Variants in C5 observed in about 807,000 individuals in gnomAD.
C5 encodes the protein complement C5, also known as C3 and PZP-like alpha-2-macroglobulin domain-containing protein 4.
A neutral mutation model predicts 218.8 loss-of-function variants in C5; 140 were observed. That is an observed-to-expected ratio of 0.64 (90% CI 0.56 to 0.74). The LOEUF (loss-of-function observed/expected upper bound fraction) is 0.74. C5 is among the 30% of genes least tolerant of loss of function. The probability of loss-of-function intolerance (pLI) is 0.00; values close to 1 mark genes in which losing one functional copy is unlikely to be tolerated. For synonymous variants in C5, 614 were observed against 682.3 expected (o/e 0.90, Z 1.56); for missense variants, 1,700 against 1,969.6 (o/e 0.86, Z 2.59).
At chr9:121,056,552 A>G in the C5 span, among the ~76,000 whole-genome samples, 1 of 152,200 alleles carries the variant, frequency 6.6e-6, no homozygotes, top group African/African-American at 2.4e-5. Context: ...TCTTTTAAAA[A>G]ATCTTGGAGA....
At chr9:121,020,621 G>C (rs548878703) in intron 11 of C5, among the ~76,000 whole-genome samples, 15 of 152,202 alleles carry the variant, frequency 9.9e-5, no homozygotes, top group Admixed American at 2.0e-4. Flanking sequence ...ATCTGGCCCA[G>C]TTTCATTGTG....
chr9:121,034,702 G>A (rs1239431844), intron 5 of C5, 101 bp downstream of exon 5: 3 of 706,608 alleles, frequency 4.2e-6, no homozygotes, highest in Non-Finnish European at 7.7e-6. Flanking sequence ...ATCCACCTAT[G>A]TGACACCCTT....
At chr9:120,974,180 T>C (rs1452394018) in intron 30 of C5, among the ~76,000 whole-genome samples, 1 of 152,184 alleles carries the variant, frequency 6.6e-6, no homozygotes, top group Non-Finnish European at 1.5e-5. Context: ...ACATGTCTTG[T>C]TCTTTGTGAA....
At chr9:121,016,821 A>T (rs1343184706) in intron 14 of C5, among the ~76,000 whole-genome samples, 2 of 152,124 alleles carry the variant, frequency 1.3e-5, no homozygotes, top group Non-Finnish European at 2.9e-5. Flanking sequence ...ATGGCTGAAG[A>T]CTTGTTTGGA....
Position 120,957,278 on chromosome 9 carries a change from T to C in C5, c.4762+7A>G. 1 of 1,589,746 alleles carries C rather than the reference T, an allele frequency of 6.3e-7. No individual in the cohort carries two copies. The highest frequency in any genetic ancestry group is 2.2e-5 in the East Asian group (1 of 44,648). The stretch of plus-strand genomic sequence containing the variant: ...ATGAAGGAACGAATGAACGAATGAA[T>C]TCTCACCAGTTTTGTAGATATCCAG... On this transcript the variant is annotated splice_region_variant and intron_variant, in intron 39 of 40. Coordinates refer to ENST00000223642, the MANE Select transcript of C5 (RefSeq NM_001735.3).
Position 120,952,709 on chromosome 9 carries a change from C to T in C5, c.*30G>A. On this transcript the variant is annotated 3_prime_UTR_variant, in exon 41 of 41. Transcript: ENST00000223642. The stretch of plus-strand genomic sequence containing the variant: ...CTTCAACAACAGGAGTCCATAAGTG[C>T]AAACTGTATGCAGCTGAACTTCAGG... 1 of 1,609,488 alleles carries T rather than the reference C, an allele frequency of 6.2e-7. No individual in the cohort carries two copies. Among genetic ancestry groups the T allele is most frequent in the South Asian group, 1.1e-5 (1 of 90,850 alleles).
Position 121,034,828 on chromosome 9 carries a change from C to G in C5, c.559G>C (p.Asp187His), listed in dbSNP as rs530054922. ...CTAGGATTAGACGGAATCTTGAAGT[C>G]AGGAAAAGAGATAATTCCAATATGA... Reference protein sequence around the residue: ...IDHIGIISFPDFKIPSNPRYG... With the variant: ...IDHIGIISFPHFKIPSNPRYG... The change falls in exon 5 of 41, where the codon GAC becomes CAC. Residue 187 changes from aspartate to histidine, a missense_variant. By Grantham distance (81) the Asp-to-His change is moderately conservative. Transcript: ENST00000223642. 2 of 1,576,816 alleles carry G rather than the reference C, an allele frequency of 1.3e-6. No individual in the cohort carries two copies. Among genetic ancestry groups the G allele is most frequent in the East Asian group, 2.2e-5 (1 of 44,652 alleles).
chr9:120,970,688 T>C (rs1040914700), intron 31 of C5, among the ~76,000 whole-genome samples: 1 of 152,194 alleles, frequency 6.6e-6, no homozygotes, highest in Non-Finnish European at 1.5e-5. Context: ...CAGAAGTAGA[T>C]ATATTGACAC....
rs1401560385 is a variant in C5, at chr9:120,989,138, A to G, written c.3155-17T>C. On this transcript the variant is annotated splice_polypyrimidine_tract_variant and intron_variant, in intron 24 of 40. Coordinates refer to ENST00000223642, the MANE Select transcript of C5 (RefSeq NM_001735.3). ...TCAACATCCCTAAGAAGCACAAGAA[A>G]AAGAACACGGTGCTTAACAGACCTC... 2 of 1,596,428 alleles carry G rather than the reference A, an allele frequency of 1.3e-6. No individual in the cohort carries two copies. Among genetic ancestry groups the G allele is most frequent in the Non-Finnish European group, 1.7e-6 (2 of 1,164,024 alleles).
At chr9:120,958,039 CTTTTGATCTATTTTTTGT>C (rs1490725578) in intron 38 of C5, among the ~76,000 whole-genome samples, 2 of 152,114 alleles carry the variant, frequency 1.3e-5, no homozygotes, top group Non-Finnish European at 1.5e-5. Context: ...TTTATTTTTG[CTTTTGATCTATTTTTTGT>C]TTTGAAATTA....
intron 20 of C5, among the ~76,000 whole-genome samples, chr9:121,000,216 T>C (rs945302583): frequency 3.9e-5 from 6 of 152,186 alleles, no homozygotes; most frequent in Admixed American, 3.3e-4. Flanking sequence ...AGATTCAATA[T>C]GGCAAGTCAA....
chr9:121,005,648 C>T (rs545137753), intron 20 of C5, among the ~76,000 whole-genome samples: 1 of 152,180 alleles, frequency 6.6e-6, no homozygotes, highest in South Asian at 2.1e-4. Flanking sequence ...GATGAATTCA[C>T]CCTTCTCTGG....
intron 7 of C5, among the ~76,000 whole-genome samples, chr9:121,028,805 G>A (rs151083045): frequency 2.7e-4 from 41 of 152,186 alleles, no homozygotes; most frequent in African/African-American, 8.4e-4. Context: ...AAACCTGCAC[G>A]TTGTGTACAT....
Position 121,027,130 on chromosome 9 carries a change from G to C in C5, c.873+30C>G, listed in dbSNP as rs751664411. ...TCTCTCACCTCTGGATGCATCTGTA[G>C]GTGTGAGTGACTGTGTCTTAACATC... On this transcript the variant is annotated intron_variant, in intron 8 of 40. Transcript: ENST00000223642. 5.2e-6 allele frequency: 6 copies of C among 1,145,724 alleles called. No homozygotes were observed. In the Admixed American group the frequency reaches 1.1e-4, roughly 21 times the overall value. The allele number at this position is 1,145,724 out of a possible 1,614,324, so 71.0% of individuals were successfully genotyped here.
At chr9:121,031,965 G>A in intron 6 of C5, 148 bp downstream of exon 6, 2 of 526,620 alleles carry the variant, frequency 3.8e-6, no homozygotes, top group Admixed American at 5.4e-5. Flanking sequence ...TTGGGATGCT[G>A]AGGCAGAGAA....
At chr9:121,061,502 C>G in the C5 span, among the ~76,000 whole-genome samples, 2,207 of 152,244 alleles carry the variant, frequency 0.014, 66 homozygotes, top group African/African-American at 0.05. Flanking sequence ...GAGCCAAGAT[C>G]ATACCACTGC....
At chr9:120,954,133 A>G (rs935029802) in intron 39 of C5, among the ~76,000 whole-genome samples, 2 of 152,206 alleles carry the variant, frequency 1.3e-5, no homozygotes, top group Non-Finnish European at 2.9e-5. Context: ...AAGACTGGGC[A>G]TGATAATAAA....
intron 20 of C5, 49 bp downstream of exon 20, chr9:121,005,870 A>C (rs560870226): frequency 1.3e-6 from 2 of 1,590,386 alleles, no homozygotes; most frequent in African/African-American, 2.7e-5. Flanking sequence ...GAATTCTCAG[A>C]AAACCAGAGA....
chr9:120,982,078 C>T, intron 26 of C5, 139 bp from the exon 27 acceptor site: 1 of 697,404 alleles, frequency 1.4e-6, no homozygotes, highest in Non-Finnish European at 2.6e-6. Context: ...ATGGCTTGAT[C>T]TTGGCTCACT....
Sources: allele counts gnomAD v4.1 joint callset (sites outside exome capture counted in the v4.1 genomes callset), GRCh38; gene constraint gnomAD v4.1.1; transcripts MANE v1.5; gene names NCBI Gene and HGNC (gene_info 2026-07-23, HGNC 2026-07-21).